Variants in DDR2 observed in about 807,000 individuals in gnomAD.
DDR2 encodes discoidin domain-containing receptor 2.
A neutral mutation model predicts 94.9 loss-of-function variants in DDR2; 27 were observed. The observed-to-expected ratio is 0.28, with a 90% confidence interval of 0.21 to 0.39. The LOEUF is 0.39. Ranked by LOEUF, DDR2 falls within the 10% of genes least tolerant of loss-of-function variation. The pLI is 1.00. For synonymous variants in DDR2, 382 were observed against 377.2 expected (o/e 1.01, Z -0.15); for missense variants, 783 against 1,076.0 (o/e 0.73, Z 3.81).
intron 7 of DDR2, among the ~76,000 whole-genome samples, chr1:162,757,092 G>A (rs1180778339): frequency 6.6e-6 from 1 of 152,134 alleles, no homozygotes; most frequent in Non-Finnish European, 1.5e-5. Flanking sequence ...CTGCTCTGGG[G>A]TTCAAAGGAA....
chr1:162,656,617 T>G (rs549005660), intron 2 of DDR2, among the ~76,000 whole-genome samples: 1 of 152,008 alleles, frequency 6.6e-6, no homozygotes, highest in Non-Finnish European at 1.5e-5. Context: ...TTCCTTATGA[T>G]AGACTCTTGG....
rs147623759 is a variant in DDR2, at chr1:162,670,736, C to T, written c.-28+15362C>T. On this transcript the variant is annotated intron_variant, in intron 2 of 17. Coordinates refer to ENST00000367921, the MANE Select transcript of DDR2 (RefSeq NM_006182.4). ...ATGCCTCTGATTTCAGTTGCTTTAA[C>T]CAAATGCAAACCCCTAGTGCTTCTG... is the stretch of plus-strand genomic sequence containing the variant. Among the ~76,000 whole-genome samples the T allele has an allele frequency of 1.1e-3, 165 of 152,316 alleles. 3 individuals are homozygous for T. The East Asian group carries it at 0.03, about 28-fold the overall frequency.
intron 2 of DDR2, among the ~76,000 whole-genome samples, chr1:162,673,983 G>A (rs191678408): frequency 1.9e-4 from 29 of 152,112 alleles, no homozygotes; most frequent in African/African-American, 3.6e-4. Context: ...CTTAAAGGCC[G>A]TTTATATGCT....
At chr1:162,727,864 C>T (rs1661773519) in intron 3 of DDR2, among the ~76,000 whole-genome samples, 2 of 149,302 alleles carry the variant, frequency 1.3e-5, no homozygotes. Context: ...GTCCAAACTA[C>T]TGAAAAATTC....
intron 3 of DDR2, among the ~76,000 whole-genome samples, chr1:162,749,352 C>T (rs1461613747): frequency 1.3e-5 from 2 of 152,186 alleles, no homozygotes; most frequent in Non-Finnish European, 2.9e-5. Context: ...GAATTACAAA[C>T]TATCATCAGA....
intron 1 of DDR2, among the ~76,000 whole-genome samples, chr1:162,641,059 T>C (rs759056770): frequency 7.2e-5 from 11 of 152,172 alleles, no homozygotes; most frequent in Non-Finnish European, 1.3e-4. Context: ...CCCACCCTCA[T>C]TGAGCTGTTT....
chr1:162,656,330 T>C (rs1327201995), intron 2 of DDR2, among the ~76,000 whole-genome samples: 2 of 152,180 alleles, frequency 1.3e-5, no homozygotes, highest in Non-Finnish European at 2.9e-5. Flanking sequence ...AGTGAGTAAA[T>C]AATGTGAATG....
At chr1:162,731,993 T>C (rs979804787) in intron 3 of DDR2, among the ~76,000 whole-genome samples, 10 of 152,216 alleles carry the variant, frequency 6.6e-5, no homozygotes, top group African/African-American at 1.9e-4. Context: ...CTATTTACTA[T>C]GAAAGTTTCA....
At chr1:162,700,388 C>T (rs1660376631) in intron 2 of DDR2, among the ~76,000 whole-genome samples, 1 of 152,168 alleles carries the variant, frequency 6.6e-6, no homozygotes, top group South Asian at 2.1e-4. Context: ...GTTTTGTATG[C>T]CACATCCCTT....
At chr1:162,763,252 A>C (rs533257537) in intron 9 of DDR2, among the ~76,000 whole-genome samples, 35 of 143,862 alleles carry the variant, frequency 2.4e-4, no homozygotes, top group Admixed American at 8.4e-4. Context: ...GAGTCATTGC[A>C]ACCTCCACCT....
intron 2 of DDR2, among the ~76,000 whole-genome samples, chr1:162,673,286 C>G (rs1317475597): frequency 6.6e-6 from 1 of 152,106 alleles, no homozygotes; most frequent in East Asian, 1.9e-4. Context: ...GGAACATCAC[C>G]CTCTTATATT....
Position 162,740,714 on chromosome 1 carries a change from T to G in DDR2, c.83-12381T>G, listed in dbSNP as rs184797980. Among the ~76,000 whole-genome samples the G allele has an allele frequency of 8.3e-4, 126 of 152,334 alleles. 1 individual carries two copies. Among genetic ancestry groups the G allele is most frequent in the African/African-American group, 2.9e-3 (121 of 41,560 alleles). On this transcript the variant is annotated intron_variant, in intron 3 of 17. Coordinates refer to ENST00000367921, the MANE Select transcript of DDR2 (RefSeq NM_006182.4). ...TGTAAACTCAGTGACAAAAGGCACT[T>G]TGTTTTGTTTACCACTGTATTCCCG... is the stretch of plus-strand genomic sequence containing the variant.
chr1:162,742,251 G>A (rs2102090023), intron 3 of DDR2, among the ~76,000 whole-genome samples: 1 of 152,338 alleles, frequency 6.6e-6, no homozygotes, highest in East Asian at 1.9e-4. Context: ...TGGATGGTGT[G>A]TTAGGCTGTT....
chr1:162,676,526 C>T (rs747832236), intron 2 of DDR2, among the ~76,000 whole-genome samples: 116 of 152,282 alleles, frequency 7.6e-4, no homozygotes, highest in Middle Eastern at 6.8e-3. Context: ...GTCTGTTGAA[C>T]GAACTAAAAG....
chr1:162,672,077 ATCT>A (rs928054087), intron 2 of DDR2, among the ~76,000 whole-genome samples: 3 of 152,152 alleles, frequency 2.0e-5, no homozygotes, highest in Admixed American at 6.5e-5. Flanking sequence ...CTCTTGATAC[ATCT>A]TCTTGCGTCA....
At position 162,776,262 on chromosome 1, in the gene DDR2, G is replaced by A. The variant is rs2102199226; in HGVS notation, c.2175G>A (p.Lys725=). The change falls in exon 16 of 18, where the codon AAG becomes AAA. Residue 725 remains lysine, a synonymous_variant. Coordinates refer to ENST00000367921, the MANE Select transcript of DDR2 (RefSeq NM_006182.4). ...NCLVGKNYTI[K]IADFGMSRNL... is the part of the protein sequence containing the mutation. ...TAGTGGGTAAGAACTACACAATCAA[G>A]ATAGCTGACTTTGGAATGAGCAGGA... 1 of 1,613,966 alleles carries A rather than the reference G, an allele frequency of 6.2e-7. No individual in the cohort carries two copies. Among genetic ancestry groups the A allele is most frequent in the Non-Finnish European group, 8.5e-7 (1 of 1,179,940 alleles).
At chr1:162,650,285 A>ACGTT (rs1362984224) in intron 1 of DDR2, among the ~76,000 whole-genome samples, 2 of 23,910 alleles carry the variant, frequency 8.4e-5, no homozygotes, top group East Asian at 1.6e-3. Flanking sequence ...TTCCTCCTCC[A>ACGTT]CGTTAAAAAA....
chr1:162,645,480 C>A (rs1657361724), intron 1 of DDR2, among the ~76,000 whole-genome samples: 1 of 152,102 alleles, frequency 6.6e-6, no homozygotes, highest in Admixed American at 6.5e-5. Context: ...TCAAATATAA[C>A]TATGAAACCC....
At chr1:162,696,408 C>G (rs535624610) in intron 2 of DDR2, among the ~76,000 whole-genome samples, 1 of 151,836 alleles carries the variant, frequency 6.6e-6, no homozygotes, top group South Asian at 2.1e-4. Context: ...GGCCAGGGCC[C>G]CCCTCTCAGG....
Sources: gnomAD v4.1 joint callset for allele counts (sites outside exome capture counted in the v4.1 genomes callset) on GRCh38, gnomAD v4.1.1 for gene constraint, MANE v1.5 for transcripts, NCBI Gene and HGNC (gene_info 2026-07-23, HGNC 2026-07-21) for gene names.